Variants in SYAP1 observed in about 807,000 individuals in gnomAD.
SYAP1 encodes synapse associated protein 1.
Under a neutral mutation model 29.6 loss-of-function variants are expected in SYAP1, and 3 were observed. That is an observed-to-expected ratio of 0.10 (90% CI 0.05 to 0.26). The LOEUF is 0.26. Ranked by LOEUF, SYAP1 falls within the 10% of genes least tolerant of loss-of-function variation. SYAP1 has a pLI of 1.00. For synonymous variants in SYAP1, 102 were observed against 102.7 expected (o/e 0.99, Z 0.04); for missense variants, 217 against 264.1 (o/e 0.82, Z 1.24).
At position 16,757,239 on chromosome X, in the gene SYAP1, G is replaced by A. The variant is rs767647666; in HGVS notation, c.861G>A (p.Gln287=). ...CCTTCGATGCCTGTAACCTAAATCA[G>A]GAAGATCTAAGGAAAGAAATGGAGC... ...SDAFDACNLN[Q]EDLRKEMEQL... Residue 287 remains glutamine (Q), a synonymous_variant, in exon 8 of 9, where the codon CAG becomes CAA. Transcript: ENST00000380155. 1 of 1,208,477 alleles carries A rather than the reference G, an allele frequency of 8.3e-7. No homozygotes were observed. Among genetic ancestry groups the A allele is most frequent in the South Asian group, 1.8e-5 (1 of 56,767 alleles).
intron 3 of SYAP1, among the ~76,000 whole-genome samples, chrX:16,738,809 C>A (rs765519253): frequency 1.8e-5 from 2 of 112,278 alleles, no homozygotes; most frequent in African/African-American, 6.5e-5. Flanking sequence ...GGTCCACTTA[C>A]AATGACCATG....
At chrX:16,745,724 G>A (rs1926585369) in intron 5 of SYAP1, among the ~76,000 whole-genome samples, 2 of 103,606 alleles carry the variant, frequency 1.9e-5, no homozygotes. Context: ...GCGACAGAGT[G>A]AGACTCTGTC....
intron 1 of SYAP1, among the ~76,000 whole-genome samples, chrX:16,723,308 C>G (rs748743821): frequency 8.9e-5 from 10 of 112,280 alleles, no homozygotes; most frequent in Non-Finnish European, 1.9e-4. Flanking sequence ...TTACAATGCA[C>G]AGTCAATAGC....
rs1332140656 is a variant in SYAP1, at chrX:16,719,896, G to C, written c.172G>C (p.Gly58Arg). 3.4e-6 allele frequency: 4 copies of C among 1,180,478 alleles called. No individual in the cohort carries two copies. Among genetic ancestry groups the C allele is most frequent in the East Asian group, 3.1e-5 (1 of 32,108 alleles). Residue 58 changes from glycine to arginine, a missense_variant, in exon 1 of 9, where the codon GGC (glycine) becomes CGC (arginine). Gly to Arg is a moderately radical substitution (Grantham distance 125, BLOSUM62 -2). Transcript: ENST00000380155. ...GCTCCTCCACCAGGCCAAAGACTTC[G>C]GCAGTGAGTCTACCCTGGCTCTGGG... is the stretch of plus-strand genomic sequence containing the variant. ...QELLHQAKDFGNYLFNFASAA... is the reference protein window; with the variant it reads ...QELLHQAKDFRNYLFNFASAA...
intron 5 of SYAP1, among the ~76,000 whole-genome samples, chrX:16,753,904 T>G (rs1304375933): frequency 9.0e-6 from 1 of 110,995 alleles, no homozygotes; most frequent in Non-Finnish European, 1.9e-5. Flanking sequence ...CACTCACTCC[T>G]CTGCTCAAAC....
intron 5 of SYAP1, among the ~76,000 whole-genome samples, chrX:16,752,617 G>A (rs986989335): frequency 4.6e-5 from 5 of 109,602 alleles, no homozygotes; most frequent in Non-Finnish European, 9.5e-5. Flanking sequence ...TTTTCCATTT[G>A]TCCCAATAAT....
At chrX:16,742,920 ATTTTTTTT>A (rs761130108) in intron 4 of SYAP1, among the ~76,000 whole-genome samples, 4 of 62,992 alleles carry the variant, frequency 6.4e-5, no homozygotes, top group South Asian at 7.6e-4. Context: ...GTCCGCTTCT[ATTTTTTTT>A]TTTTTTTTTT....
chrX:16,762,179 C>T lies in SYAP1; in HGVS notation c.*1820C>T, dbSNP rs1926999793. 1 of 111,240 alleles carries T rather than the reference C, an allele frequency of 9.0e-6. No individual in the cohort carries two copies. 9.2% of individuals were successfully genotyped at this position (111,240 alleles called of 1,213,427 possible). A position where few individuals can be genotyped will look rare whatever the true frequency, so the allele number is the denominator to read the frequency against. On this transcript the variant is annotated 3_prime_UTR_variant, in exon 9 of 9. Transcript: ENST00000380155. ...AAAGAGTTTGCTGGAGGAAAAGAAG[C>T]ATGTTAAATGTTTTTAAGCAGCTAA...
chrX:16,744,210 C>G (rs1926543206), intron 5 of SYAP1, among the ~76,000 whole-genome samples: 1 of 112,565 alleles, frequency 8.9e-6, no homozygotes, highest in Admixed American at 9.5e-5. Context: ...TGTTCCTGCT[C>G]TCTTTGCTAA....
chrX:16,751,842 A>G (rs1411716327), intron 5 of SYAP1, among the ~76,000 whole-genome samples: 1 of 104,215 alleles, frequency 9.6e-6, no homozygotes, highest in African/African-American at 3.5e-5. Context: ...TACCCAGCTA[A>G]TTTTTGTATT....
chrX:16,737,982 C>T (rs184265281), intron 3 of SYAP1, among the ~76,000 whole-genome samples: 1 of 111,256 alleles, frequency 9.0e-6, no homozygotes, highest in East Asian at 2.8e-4. Context: ...TAGATGAGCT[C>T]CTCTATGGAA....
chrX:16,753,829 T>C (rs1310406178), intron 5 of SYAP1, among the ~76,000 whole-genome samples: 2 of 111,383 alleles, frequency 1.8e-5, no homozygotes, highest in Admixed American at 1.9e-4. Flanking sequence ...AGAAACCTGG[T>C]TTCTACTATC....
At chrX:16,739,746 AC>A (rs758413867) in intron 3 of SYAP1, among the ~76,000 whole-genome samples, 4 of 110,819 alleles carry the variant, frequency 3.6e-5, no homozygotes, top group Non-Finnish European at 5.7e-5. Context: ...ATGTCACTTT[AC>A]TTTGACTTTG....
At position 16,765,198 on chromosome X, in the gene SYAP1, C is replaced by G. The variant is rs1322178717; in HGVS notation, c.*4839C>G. The G allele has an allele frequency of 1.8e-5, 2 of 112,372 alleles. No individual in the cohort carries two copies. Among genetic ancestry groups the G allele is most frequent in the African/African-American group, 3.2e-5 (1 of 31,013 alleles). 9.3% of individuals were successfully genotyped at this position (112,372 alleles called of 1,213,427 possible). A position where few individuals can be genotyped will look rare whatever the true frequency, so the allele number is the denominator to read the frequency against. ...TCTGGTCTTCACACTAAGGGATTTA[C>G]TTAGATAAGCCATCGATGATTTCAG... is the stretch of plus-strand genomic sequence containing the variant. On this transcript the variant is annotated 3_prime_UTR_variant, in exon 9 of 9. Coordinates refer to ENST00000380155, the MANE Select transcript of SYAP1 (RefSeq NM_032796.4).
chrX:16,723,488 G>A (rs1414920285), intron 1 of SYAP1, among the ~76,000 whole-genome samples: 1 of 111,652 alleles, frequency 9.0e-6, no homozygotes, highest in Non-Finnish European at 1.9e-5. Context: ...CTAGAGAAGT[G>A]AGAAGAATTT....
chrX:16,745,063 C>T (rs1926566435), intron 5 of SYAP1, among the ~76,000 whole-genome samples: 1 of 112,445 alleles, frequency 8.9e-6, no homozygotes, highest in African/African-American at 3.2e-5. Context: ...CTCTCCTTAC[C>T]TGTCCCTTCG....
At position 16,760,412 on chromosome X, in the gene SYAP1, T is replaced by G. The variant is rs1054248059; in HGVS notation, c.*53T>G. 6 of 1,034,822 alleles carry G rather than the reference T, an allele frequency of 5.8e-6. No homozygotes were observed. The African/African-American group carries it at 7.8e-5, about 13-fold the overall frequency. 85.3% of individuals were successfully genotyped at this position (1,034,822 alleles called of 1,213,427 possible). A position where few individuals can be genotyped will look rare whatever the true frequency, so the allele number is the denominator to read the frequency against. Reference sequence around the variant, plus strand: ...TAACAGTCTGCAAACTGACATTAAATTCTAGATGTTGACAATTACTGAATC... The same window carrying G: ...TAACAGTCTGCAAACTGACATTAAAGTCTAGATGTTGACAATTACTGAATC... On this transcript the variant is annotated 3_prime_UTR_variant, in exon 9 of 9. Transcript: ENST00000380155.
intron 5 of SYAP1, among the ~76,000 whole-genome samples, chrX:16,750,225 C>T (rs776223352): frequency 4.5e-5 from 5 of 111,617 alleles, no homozygotes; most frequent in Non-Finnish European, 9.4e-5. Flanking sequence ...TTGATGCAGC[C>T]GAAGATTTCA....
chrX:16,740,626 C>T (rs1422126022), intron 3 of SYAP1, among the ~76,000 whole-genome samples: 1 of 111,439 alleles, frequency 9.0e-6, no homozygotes, highest in East Asian at 2.8e-4. Context: ...GCCTTATTCA[C>T]GCCCTCTCTC....
Sources: allele counts gnomAD v4.1 joint callset (sites outside exome capture counted in the v4.1 genomes callset), GRCh38; gene constraint gnomAD v4.1.1; transcripts MANE v1.5; gene names NCBI Gene and HGNC (gene_info 2026-07-23, HGNC 2026-07-21).